Variants in CFAP97D2 observed in about 807,000 individuals in gnomAD.
CFAP97D2 encodes uncharacterized protein CFAP97D2.
At position 114,193,473 on chromosome 13, in the gene CFAP97D2, T is replaced by G. The variant is rs556279209; in HGVS notation, c.91-2923T>G. Reference sequence around the variant, plus strand: ...AGCTGGTGTCTGGTGAGGATCTTCTTGCTGTGTCCTCATATGGCAGATGGT... The same window carrying G: ...AGCTGGTGTCTGGTGAGGATCTTCTGGCTGTGTCCTCATATGGCAGATGGT... On this transcript the variant is annotated intron_variant, in intron 1 of 4. Transcript: ENST00000646158. Among the ~76,000 whole-genome samples, 5 of 152,230 alleles carry G rather than the reference T, an allele frequency of 3.3e-5. No individual in the cohort carries two copies. In the South Asian group the frequency reaches 1.0e-3, roughly 32 times the overall value.
rs964996945 is a variant in CFAP97D2, at chr13:114,179,625, T to C, written c.90+205T>C. On this transcript the variant is annotated intron_variant, in intron 1 of 4. Transcript: ENST00000646158. This position sits in a 1 kb window ranked among gnomAD's most constrained non-coding sequence, Gnocchi z 4.8. ...TAAATAGTTGACGGCTTTCTTTCTT[T>C]CTTTTTTTTTTTTGAGATGACAGCT... Among the ~76,000 whole-genome samples, 6 of 151,946 alleles carry C rather than the reference T, an allele frequency of 3.9e-5. No homozygotes were observed. The highest frequency in any genetic ancestry group is 1.4e-4 in the African/African-American group (6 of 41,388).
chr13:114,181,784 C>T (rs1008577717), intron 1 of CFAP97D2, among the ~76,000 whole-genome samples: 1 of 152,116 alleles, frequency 6.6e-6, no homozygotes, highest in Admixed American at 6.5e-5. Context: ...GCATCCCAGT[C>T]CCCTGATGAC....
rs1224984317 is a variant in CFAP97D2, at chr13:114,186,371, A to G, written c.90+6951A>G. ...CTGTGGGTCTCCTCTGAGCTGTTCT[A>G]TTGTTCAGTAAAGCTCCTCTTTGTC... On this transcript the variant is annotated intron_variant, in intron 1 of 4. Coordinates refer to ENST00000646158, the Ensembl canonical transcript of CFAP97D2. This position sits in a 1 kb window ranked among gnomAD's most constrained non-coding sequence, Gnocchi z 4.3. Among the ~76,000 whole-genome samples the G allele has an allele frequency of 1.3e-5, 2 of 151,966 alleles. No homozygotes were observed. Among genetic ancestry groups the G allele is most frequent in the Non-Finnish European group, 2.9e-5 (2 of 67,958 alleles).
At chr13:114,193,277 T>C (rs1464861940) in intron 1 of CFAP97D2, among the ~76,000 whole-genome samples, 2 of 152,228 alleles carry the variant, frequency 1.3e-5, no homozygotes, top group African/African-American at 4.8e-5. Context: ...CAGAATAGAA[T>C]ATTCAGATAG....
Position 114,214,758 on chromosome 13 carries a change from G to A in CFAP97D2, c.480+2657G>A, listed in dbSNP as rs2080986099. On this transcript the variant is annotated intron_variant, in intron 4 of 4. Coordinates refer to ENST00000646158, the Ensembl canonical transcript of CFAP97D2. ...TGAGCCACTGCACCCGGCCATATTT[G>A]TTTGTTTAAACAAAAATGGAGTCCT... 2.0e-5 allele frequency among the ~76,000 whole-genome samples: 3 copies of A among 151,760 alleles called. No individual in the cohort carries two copies. In the South Asian group the frequency reaches 6.2e-4, roughly 31 times the overall value.
chr13:114,183,987 A>G (rs1355796319), intron 1 of CFAP97D2, among the ~76,000 whole-genome samples: 1 of 152,072 alleles, frequency 6.6e-6, no homozygotes, highest in Admixed American at 6.5e-5. Flanking sequence ...TTGTCTCTAC[A>G]GTAAAATTTA....
intron 3 of CFAP97D2, among the ~76,000 whole-genome samples, chr13:114,204,267 G>A (rs1393440897): frequency 2.6e-5 from 4 of 152,210 alleles, no homozygotes; most frequent in African/African-American, 4.8e-5. Context: ...GCTACAGTGA[G>A]CTAACTTGCA....
intron 1 of CFAP97D2, among the ~76,000 whole-genome samples, chr13:114,190,357 G>C (rs56167755): frequency 0.023 from 3,533 of 152,230 alleles, 144 homozygotes; most frequent in African/African-American, 0.081. Context: ...AGGAAATAAA[G>C]CTGTCTTTGA....
intron 4 of CFAP97D2, among the ~76,000 whole-genome samples, chr13:114,218,923 C>A (rs2081007558): frequency 1.3e-5 from 2 of 152,152 alleles, no homozygotes; most frequent in South Asian, 4.1e-4. Context: ...CCATAAAAAG[C>A]CTAGAAGAAA....
intron 4 of CFAP97D2, among the ~76,000 whole-genome samples, chr13:114,215,293 C>T (rs974675994): frequency 5.3e-5 from 8 of 152,238 alleles, no homozygotes; most frequent in African/African-American, 1.2e-4. Context: ...TGTTACTTTT[C>T]GTTATTAATC....
At chr13:114,216,699 A>G (rs542950077) in intron 4 of CFAP97D2, among the ~76,000 whole-genome samples, 66 of 152,316 alleles carry the variant, frequency 4.3e-4, no homozygotes, top group African/African-American at 1.5e-3. Flanking sequence ...ATTGATGGAC[A>G]TTTGGGTTGG....
At chr13:114,206,757 T>C (rs1204669911) in intron 3 of CFAP97D2, among the ~76,000 whole-genome samples, 1 of 152,168 alleles carries the variant, frequency 6.6e-6, no homozygotes, top group East Asian at 1.9e-4. Flanking sequence ...CGTCTCCCCA[T>C]TGAACTGCAC....
At chr13:114,219,713 C>T (rs6560945) in intron 4 of CFAP97D2, among the ~76,000 whole-genome samples, 9,941 of 152,252 alleles carry the variant, frequency 0.065, 556 homozygotes, top group African/African-American at 0.13. Context: ...CATGCCTCCC[C>T]CACTGCCCTG....
intron 4 of CFAP97D2, among the ~76,000 whole-genome samples, chr13:114,219,242 T>A (rs1197564670): frequency 1.3e-5 from 2 of 152,240 alleles, no homozygotes; most frequent in African/African-American, 4.8e-5. Context: ...CAGAATAGCA[T>A]AATTTTGCAT....
intron 1 of CFAP97D2, among the ~76,000 whole-genome samples, chr13:114,181,182 C>A (rs1451843530): frequency 1.3e-5 from 2 of 152,174 alleles, no homozygotes; most frequent in African/African-American, 4.8e-5. Flanking sequence ...AGACAGAGAA[C>A]CAGTCCAGAA....
chr13:114,199,187 G>A, intron 2 of CFAP97D2, among the ~76,000 whole-genome samples: 1 of 36,836 alleles, frequency 2.7e-5, no homozygotes, highest in Non-Finnish European at 4.3e-5. Context: ...AGGCGTGACG[G>A]CGCGTCCCCG....
At chr13:114,205,164 A>T (rs973629983) in intron 3 of CFAP97D2, among the ~76,000 whole-genome samples, 1 of 152,256 alleles carries the variant, frequency 6.6e-6, no homozygotes, top group Non-Finnish European at 1.5e-5. Context: ...TCAAAATGAC[A>T]GATAAGAAGG....
At chr13:114,216,399 TC>T in intron 4 of CFAP97D2, among the ~76,000 whole-genome samples, 1 of 152,334 alleles carries the variant, frequency 6.6e-6, no homozygotes, top group South Asian at 2.1e-4. Flanking sequence ...CACTAACTTG[TC>T]ATCTACGTTA....
Position 114,187,374 on chromosome 13 carries a change from T to C in CFAP97D2, c.90+7954T>C, listed in dbSNP as rs2080855854. On this transcript the variant is annotated intron_variant, in intron 1 of 4. Transcript: ENST00000646158. This position sits in a 1 kb window ranked among gnomAD's most constrained non-coding sequence, Gnocchi z 4.2. The stretch of plus-strand genomic sequence containing the variant: ...ATTAAAAAAAAAAGGCCCAACTATA[T>C]GTTGTCCACAAGAAACCATTTTAAG... 6.6e-6 allele frequency among the ~76,000 whole-genome samples: 1 copy of C among 151,832 alleles called. No individual in the cohort carries two copies.
Sources: allele counts gnomAD v4.1 joint callset (sites outside exome capture counted in the v4.1 genomes callset), GRCh38; gene constraint gnomAD v4.1.1; non-coding constraint Gnocchi (gnomAD v3.1); transcripts MANE v1.5; gene names NCBI Gene and HGNC (gene_info 2026-07-23, HGNC 2026-07-21).